The following ESRRG variants were observed in gnomAD, a reference collection of about 807,000 sequenced individuals.
The protein encoded by ESRRG is estrogen related receptor gamma.
A neutral mutation model predicts 44.0 loss-of-function variants in ESRRG; 13 were observed. The observed-to-expected ratio is 0.30, with a 90% CI of 0.19 to 0.47. The LOEUF is 0.47. Among genes scored for constraint, ESRRG ranks in the 20% least tolerant of loss-of-function variants. The pLI is 1.00. For missense variants in ESRRG, 395 were observed against 580.6 expected (o/e 0.68, Z 3.29); for synonymous variants, 215 against 214.6 (o/e 1.00, Z -0.02).
chr1:217,083,288 T>C (rs2091887015), intron 1 of ESRRG, among the ~76,000 whole-genome samples: 1 of 152,250 alleles, frequency 6.6e-6, no homozygotes, highest in Non-Finnish European at 1.5e-5. Context: ...CTAAATTTCA[T>C]GAGGCTTTCA....
intron 2 of ESRRG, among the ~76,000 whole-genome samples, chr1:216,930,703 T>C (rs1420201345): frequency 6.6e-6 from 1 of 152,214 alleles, no homozygotes; most frequent in Non-Finnish European, 1.5e-5. Flanking sequence ...TAAATAGTAC[T>C]GACAGACACT....
At chr1:216,509,307 T>C (rs902834905) in intron 6 of ESRRG, among the ~76,000 whole-genome samples, 1 of 152,248 alleles carries the variant, frequency 6.6e-6, no homozygotes, top group African/African-American at 2.4e-5. Flanking sequence ...AATGAAGACA[T>C]TGCCAGTTGT....
chr1:217,042,473 A>ACAC (rs2084037994), intron 1 of ESRRG, among the ~76,000 whole-genome samples: 29 of 138,958 alleles, frequency 2.1e-4, no homozygotes, highest in Non-Finnish European at 3.4e-4. Context: ...TACACACACA[A>ACAC]ACACACACAC....
intron 2 of ESRRG, among the ~76,000 whole-genome samples, chr1:216,818,297 A>G (rs1457969120): frequency 6.6e-6 from 1 of 152,180 alleles, no homozygotes; most frequent in Non-Finnish European, 1.5e-5. Context: ...TACTGAGAAG[A>G]GCTAAGGTTG....
At chr1:216,856,352 AACACACACACACACACACAC>A (rs5780935) in intron 2 of ESRRG, among the ~76,000 whole-genome samples, 5 of 141,888 alleles carry the variant, frequency 3.5e-5, no homozygotes, top group Non-Finnish European at 7.7e-5. Flanking sequence ...TTCTCTCTTC[AACACACACACACACACACAC>A]ACACACACAC....
intron 1 of ESRRG, among the ~76,000 whole-genome samples, chr1:217,094,945 T>G (rs1188804913): frequency 6.6e-6 from 1 of 152,196 alleles, no homozygotes; most frequent in African/African-American, 2.4e-5. Flanking sequence ...ATAAGGCAAA[T>G]TCCTTAACCA....
intron 1 of ESRRG, among the ~76,000 whole-genome samples, chr1:216,960,800 A>T (rs547631812): frequency 6.6e-6 from 1 of 152,228 alleles, no homozygotes; most frequent in South Asian, 2.1e-4. Flanking sequence ...TGTGTTACCC[A>T]GGCAGGTCTT....
At chr1:217,066,728 T>A (rs1197603526) in intron 1 of ESRRG, among the ~76,000 whole-genome samples, 1 of 152,208 alleles carries the variant, frequency 6.6e-6, no homozygotes, top group Non-Finnish European at 1.5e-5. Context: ...GTGGACTGCA[T>A]GATGTTTACC....
chr1:216,822,823 A>G (rs2148638459), intron 2 of ESRRG, among the ~76,000 whole-genome samples: 1 of 152,346 alleles, frequency 6.6e-6, no homozygotes, highest in South Asian at 2.1e-4. Flanking sequence ...TGGAACCTTA[A>G]TACAATCTTA....
intron 2 of ESRRG, among the ~76,000 whole-genome samples, chr1:216,908,533 T>C (rs926509075): frequency 6.6e-6 from 1 of 152,152 alleles, no homozygotes; most frequent in African/African-American, 2.4e-5. Context: ...ATAATATAGG[T>C]ATTGTCACAC....
At chr1:216,584,596 C>T (rs1444970897) in intron 3 of ESRRG, among the ~76,000 whole-genome samples, 1 of 152,176 alleles carries the variant, frequency 6.6e-6, no homozygotes, top group Non-Finnish European at 1.5e-5. Flanking sequence ...CATAATACAT[C>T]TGTAAACTCT....
chr1:216,968,100 T>C (rs1429651636), intron 1 of ESRRG, among the ~76,000 whole-genome samples: 1 of 152,206 alleles, frequency 6.6e-6, no homozygotes, highest in East Asian at 1.9e-4. Context: ...TGATTTCTTA[T>C]TGTTGAGTTT....
intron 1 of ESRRG, among the ~76,000 whole-genome samples, chr1:216,715,406 T>C (rs528100901): frequency 6.6e-6 from 1 of 152,292 alleles, no homozygotes; most frequent in South Asian, 2.1e-4. Flanking sequence ...ATATTCCTCC[T>C]CAAAATATCT....
At chr1:216,537,761 T>G (rs1438657783) in intron 5 of ESRRG, among the ~76,000 whole-genome samples, 1 of 152,110 alleles carries the variant, frequency 6.6e-6, no homozygotes, top group Non-Finnish European at 1.5e-5. Flanking sequence ...GAACACATTA[T>G]TCTCTTTGCC....
At chr1:217,044,570 GCTTACCAGTGAGA>G (rs2151166325) in intron 1 of ESRRG, among the ~76,000 whole-genome samples, 1 of 152,178 alleles carries the variant, frequency 6.6e-6, no homozygotes, top group South Asian at 2.1e-4. Context: ...CTCCATCTCA[GCTTACCAGTGAGA>G]CTAAAGGGCA....
chr1:216,972,656 A>T (rs2071935162), intron 1 of ESRRG, among the ~76,000 whole-genome samples: 1 of 152,192 alleles, frequency 6.6e-6, no homozygotes, highest in Non-Finnish European at 1.5e-5. Context: ...TATGACATCA[A>T]TTCTGTAGAA....
At chr1:216,737,673 C>T (rs1021551537) in intron 2 of ESRRG, among the ~76,000 whole-genome samples, 8 of 151,910 alleles carry the variant, frequency 5.3e-5, no homozygotes, top group East Asian at 1.9e-4. Context: ...CAGATGGCCT[C>T]GTCTTAATCC....
intron 1 of ESRRG, among the ~76,000 whole-genome samples, chr1:217,040,922 C>A (rs2083751045): frequency 6.6e-6 from 1 of 152,184 alleles, no homozygotes; most frequent in Non-Finnish European, 1.5e-5. Context: ...CATACCAGAT[C>A]AATTACATCA....
At chr1:217,068,521 A>G (rs934391548) in intron 1 of ESRRG, among the ~76,000 whole-genome samples, 3 of 152,254 alleles carry the variant, frequency 2.0e-5, no homozygotes, top group African/African-American at 4.8e-5. Flanking sequence ...GTCTTCGGCT[A>G]TATTTTTTTA....
Sources: allele counts gnomAD v4.1 joint callset (sites outside exome capture counted in the v4.1 genomes callset), GRCh38; gene constraint gnomAD v4.1.1; transcripts MANE v1.5; gene names NCBI Gene and HGNC (gene_info 2026-07-23, HGNC 2026-07-21).